PRKN: variants seen among roughly 807,000 people sequenced by gnomAD.
PRKN encodes parkin RBR E3 ubiquitin protein ligase.
A neutral mutation model predicts 59.5 loss-of-function variants in PRKN; 56 were observed. That is an observed-to-expected ratio of 0.94 (90% CI 0.76 to 1.18). The LOEUF is 1.18. Among genes scored for constraint, PRKN ranks in the 50% most tolerant of loss-of-function variants. The pLI is 0.00. For missense variants in PRKN, 657 were observed against 596.4 expected (o/e 1.10, Z -1.06); for synonymous variants, 250 against 222.1 (o/e 1.13, Z -1.12).
chr6:161,785,384 T>G (rs2128206526), intron 7 of PRKN, among the ~76,000 whole-genome samples: 1 of 152,332 alleles, frequency 6.6e-6, no homozygotes. Context: ...TTATTTTATA[T>G]ATATTGGGTA....
At chr6:161,893,987 A>C (rs1359759537) in intron 6 of PRKN, among the ~76,000 whole-genome samples, 1 of 152,214 alleles carries the variant, frequency 6.6e-6, no homozygotes, top group Non-Finnish European at 1.5e-5. Flanking sequence ...CATATGAAGT[A>C]AAAAGCCACA....
At chr6:161,909,009 G>A (rs993438870) in intron 6 of PRKN, among the ~76,000 whole-genome samples, 5 of 152,098 alleles carry the variant, frequency 3.3e-5, no homozygotes, top group Admixed American at 6.5e-5. Context: ...GTAATGTAAG[G>A]GGCGCTGTGT....
At chr6:162,264,905 A>G (rs1780060469) in intron 2 of PRKN, among the ~76,000 whole-genome samples, 1 of 152,130 alleles carries the variant, frequency 6.6e-6, no homozygotes, top group Non-Finnish European at 1.5e-5. Flanking sequence ...ACCAACAGTT[A>G]GCAATTCTGT....
chr6:162,139,056 C>T (rs184246022), intron 4 of PRKN, among the ~76,000 whole-genome samples: 41 of 152,296 alleles, frequency 2.7e-4, no homozygotes, highest in African/African-American at 9.4e-4. Context: ...TGCCTTCAGT[C>T]CTTCCTTGAT....
At chr6:162,517,420 T>G (rs1777911171) in intron 1 of PRKN, among the ~76,000 whole-genome samples, 1 of 149,640 alleles carries the variant, frequency 6.7e-6, no homozygotes, top group Non-Finnish European at 1.5e-5. Context: ...ACTAATTTGT[T>G]TTTTTTTTTG....
intron 4 of PRKN, among the ~76,000 whole-genome samples, chr6:162,139,775 C>CTGTA (rs1357164480): frequency 2.6e-5 from 4 of 151,956 alleles, no homozygotes; most frequent in African/African-American, 9.7e-5. Flanking sequence ...AATGAAGTAT[C>CTGTA]TGTAGGTACC....
intron 1 of PRKN, among the ~76,000 whole-genome samples, chr6:162,720,834 C>T (rs1257090811): frequency 6.6e-6 from 1 of 152,128 alleles, no homozygotes; most frequent in Non-Finnish European, 1.5e-5. Context: ...TTCTGGGTGA[C>T]ACGATATCCA....
chr6:162,373,412 A>G (rs1244121693), intron 2 of PRKN, among the ~76,000 whole-genome samples: 1 of 152,024 alleles, frequency 6.6e-6, no homozygotes, highest in African/African-American at 2.4e-5. Context: ...CTCTTATTTG[A>G]CCTGTTATTT....
At chr6:162,584,119 A>AG (rs1180355157) in intron 1 of PRKN, among the ~76,000 whole-genome samples, 8 of 151,566 alleles carry the variant, frequency 5.3e-5, no homozygotes, top group African/African-American at 1.9e-4. Flanking sequence ...AGGCTGAGGC[A>AG]GGAGAATGGT....
At chr6:162,087,381 G>T (rs1779286235) in intron 4 of PRKN, among the ~76,000 whole-genome samples, 1 of 152,046 alleles carries the variant, frequency 6.6e-6, no homozygotes, top group Non-Finnish European at 1.5e-5. Context: ...TAAGGAAAGG[G>T]TAGTAGAAAG....
At chr6:161,723,102 C>A (rs1235272325) in intron 7 of PRKN, among the ~76,000 whole-genome samples, 1 of 152,086 alleles carries the variant, frequency 6.6e-6, no homozygotes, top group Non-Finnish European at 1.5e-5. Flanking sequence ...AACCCCATCT[C>A]TACTAAAATA....
intron 8 of PRKN, among the ~76,000 whole-genome samples, chr6:161,558,998 A>G (rs1299612425): frequency 6.7e-6 from 1 of 149,820 alleles, no homozygotes; most frequent in South Asian, 2.1e-4. Flanking sequence ...CATAGAAAAA[A>G]CTATCAAGAT....
chr6:162,353,273 G>A (rs773056419), intron 2 of PRKN, among the ~76,000 whole-genome samples: 3 of 151,760 alleles, frequency 2.0e-5, no homozygotes, highest in African/African-American at 7.3e-5. Context: ...AAGAGTGGAC[G>A]GTTAGCAGAA....
At chr6:162,602,976 T>C (rs560504647) in intron 1 of PRKN, among the ~76,000 whole-genome samples, 7 of 152,224 alleles carry the variant, frequency 4.6e-5, no homozygotes, top group African/African-American at 1.7e-4. Flanking sequence ...ACATTACCCA[T>C]CACAAGGACC....
chr6:161,959,759 A>G (rs367564471), intron 6 of PRKN, among the ~76,000 whole-genome samples: 1 of 152,226 alleles, frequency 6.6e-6, no homozygotes, highest in Admixed American at 6.5e-5. Flanking sequence ...ATTAATAATC[A>G]TAAGTGATTT....
intron 9 of PRKN, among the ~76,000 whole-genome samples, chr6:161,534,036 T>C (rs555894993): frequency 6.6e-6 from 1 of 152,256 alleles, no homozygotes; most frequent in South Asian, 2.1e-4. Flanking sequence ...CCAAAAGATC[T>C]GATCATGTCA....
Position 161,461,207 on chromosome 6 carries a change from G to A in PRKN, c.1084-74330C>T, listed in dbSNP as rs189768205. ...TAGCCAGTGGCTCAGAGGAAGCAGC[G>A]GCCTGTGCAAAGGTCTGGAGGTCTG... On this transcript the variant is annotated intron_variant, in intron 9 of 11. Transcript: ENST00000366898. This position sits in a 1 kb window ranked among gnomAD's most constrained non-coding sequence, Gnocchi z 5.1. Among the ~76,000 whole-genome samples, 25 of 152,280 alleles carry A rather than the reference G, an allele frequency of 1.6e-4. No individual in the cohort carries two copies. The highest frequency in any genetic ancestry group is 3.9e-4 in the East Asian group (2 of 5,190).
At chr6:162,641,998 C>T (rs186472297) in intron 1 of PRKN, among the ~76,000 whole-genome samples, 1 of 152,350 alleles carries the variant, frequency 6.6e-6, no homozygotes, top group Non-Finnish European at 1.5e-5. Context: ...CTGGAATACA[C>T]TAATACTTTT....
chr6:161,855,517 T>A (rs1219564867), intron 6 of PRKN, among the ~76,000 whole-genome samples: 1 of 152,228 alleles, frequency 6.6e-6, no homozygotes, highest in Non-Finnish European at 1.5e-5. Flanking sequence ...TCACAGCATT[T>A]AGAAGAGTAC....
Sources: gnomAD v4.1 joint callset for allele counts (sites outside exome capture counted in the v4.1 genomes callset) on GRCh38, gnomAD v4.1.1 for gene constraint, Gnocchi (gnomAD v3.1) non-coding constraint, MANE v1.5 for transcripts, NCBI Gene and HGNC (gene_info 2026-07-23, HGNC 2026-07-21) for gene names.